Variants in GALNT13 observed in about 807,000 individuals in gnomAD.
The protein encoded by GALNT13 is polypeptide N-acetylgalactosaminyltransferase 13, also known as UDP-GalNAc:polypeptide N-acetylgalactosaminyltransferase 13.
A neutral mutation model predicts 64.2 loss-of-function variants in GALNT13; 28 were observed. The ratio of observed to expected loss-of-function variants is 0.44; its 90% CI spans 0.32 to 0.60. GALNT13 has a LOEUF of 0.60. Among genes scored for constraint, GALNT13 ranks in the 20% least tolerant of loss-of-function variants. The pLI is 0.05. For synonymous variants in GALNT13, 214 were observed against 224.6 expected, an observed-to-expected ratio of 0.95 and a Z score of 0.42; for missense variants, 577 against 669.8, an observed-to-expected ratio of 0.86 and a Z score of 1.53.
chr2:154,298,500 A>AAAT (rs1693086275), intron 8 of GALNT13, among the ~76,000 whole-genome samples: 1 of 102,320 alleles, frequency 9.8e-6, no homozygotes, highest in Non-Finnish European at 2.1e-5. Flanking sequence ...AATTATATAT[A>AAAT]CATATATAAA....
At chr2:153,663,152 A>C in the GALNT13 span, among the ~76,000 whole-genome samples, 1 of 152,234 alleles carries the variant, frequency 6.6e-6, no homozygotes, top group South Asian at 2.1e-4. Flanking sequence ...ATCCATTGAT[A>C]AATTTGTCAG....
intron 3 of GALNT13, among the ~76,000 whole-genome samples, chr2:154,036,410 G>T (rs1218562332): frequency 6.6e-6 from 1 of 152,022 alleles, no homozygotes; most frequent in African/African-American, 2.4e-5. Flanking sequence ...CAAAACAAAA[G>T]CTTCTGAGAG....
the GALNT13 span, among the ~76,000 whole-genome samples, chr2:153,142,294 A>G: frequency 2.0e-5 from 3 of 152,046 alleles, no homozygotes; most frequent in African/African-American, 7.2e-5. Context: ...CATGTTTGGG[A>G]AAGCCGCAGG....
the GALNT13 span, among the ~76,000 whole-genome samples, chr2:153,569,056 G>T: frequency 1.3e-5 from 2 of 152,212 alleles, no homozygotes; most frequent in South Asian, 2.1e-4. Flanking sequence ...ATTATAAATA[G>T]TGCTGCTATG....
intron 9 of GALNT13, among the ~76,000 whole-genome samples, chr2:154,329,285 TAG>T (rs1321704726): frequency 6.6e-6 from 1 of 152,122 alleles, no homozygotes; most frequent in Non-Finnish European, 1.5e-5. Context: ...TTTGTATTAG[TAG>T]AGACAGGGTT....
intron 3 of GALNT13, among the ~76,000 whole-genome samples, chr2:154,133,730 G>A (rs566462187): frequency 1.3e-5 from 2 of 151,488 alleles, no homozygotes; most frequent in Non-Finnish European, 2.9e-5. Flanking sequence ...CAAGTACTGG[G>A]ATGAGCCAAA....
At chr2:153,673,322 A>G in the GALNT13 span, among the ~76,000 whole-genome samples, 12 of 152,342 alleles carry the variant, frequency 7.9e-5, no homozygotes, top group East Asian at 2.1e-3. Flanking sequence ...AAATACTGGC[A>G]AAACAAATCC....
chr2:153,496,828 A>G, the GALNT13 span, among the ~76,000 whole-genome samples: 14,792 of 151,816 alleles, frequency 0.097, 751 homozygotes, highest in South Asian at 0.16. Context: ...GCTACTAAAA[A>G]TACAAAGAAA....
chr2:153,601,978 C>T, the GALNT13 span, among the ~76,000 whole-genome samples: 26,881 of 151,756 alleles, frequency 0.18, 2,682 homozygotes, highest in African/African-American at 0.27. Context: ...AATTAAAATG[C>T]TTAAATTGGC....
chr2:153,730,050 A>T, the GALNT13 span, among the ~76,000 whole-genome samples: 1 of 152,002 alleles, frequency 6.6e-6, no homozygotes, highest in Non-Finnish European at 1.5e-5. Flanking sequence ...ACACCTATCA[A>T]ATTACCAATG....
chr2:153,965,077 TAA>T lies in GALNT13; in HGVS notation c.142+20439_142+20440del, dbSNP rs1693237589. 3.3e-5 allele frequency among the ~76,000 whole-genome samples: 5 copies of T among 152,164 alleles called. No homozygotes were observed. In the South Asian group the frequency reaches 1.0e-3, roughly 32 times the overall value. Reference sequence around the variant, plus strand: ...ATGTTTCAATATTTTTAAGGATACATAACAGTTTTACATATTTATGAGGTACA... The same window carrying T: ...ATGTTTCAATATTTTTAAGGATACATCAGTTTTACATATTTATGAGGTACA... On this transcript the variant is annotated intron_variant, in intron 3 of 12. Coordinates refer to ENST00000392825, the MANE Select transcript of GALNT13 (RefSeq NM_052917.4).
the GALNT13 span, among the ~76,000 whole-genome samples, chr2:153,534,618 G>T: frequency 1.3e-5 from 2 of 150,962 alleles, no homozygotes; most frequent in African/African-American, 2.5e-5. Flanking sequence ...GGGAGATAAG[G>T]GTGGGCCGTT....
At chr2:153,644,893 C>G in the GALNT13 span, among the ~76,000 whole-genome samples, 1 of 152,092 alleles carries the variant, frequency 6.6e-6, no homozygotes, top group South Asian at 2.1e-4. Flanking sequence ...TCTTCACAAA[C>G]TAATATGTCT....
In GALNT13 at chr2:154,402,121, T is replaced by C. The variant is rs182899033; in HGVS notation, c.1296+5991T>C. On this transcript the variant is annotated intron_variant, in intron 10 of 12. Coordinates refer to ENST00000392825, the MANE Select transcript of GALNT13 (RefSeq NM_052917.4). ...TGTAAAATAATGATAAAAAATAATATGCAATTGAAGGATAAACGTATGTTG... is the reference window on the plus strand; with the variant it reads ...TGTAAAATAATGATAAAAAATAATACGCAATTGAAGGATAAACGTATGTTG... Among the ~76,000 whole-genome samples the C allele has an allele frequency of 9.3e-4, 141 of 152,216 alleles. 2 individuals carry two copies. The highest frequency in any genetic ancestry group is 3.3e-3 in the South Asian group (16 of 4,830).
At chr2:153,542,154 C>T in the GALNT13 span, among the ~76,000 whole-genome samples, 1 of 151,914 alleles carries the variant, frequency 6.6e-6, no homozygotes, top group African/African-American at 2.4e-5. Flanking sequence ...CCCATCTCTA[C>T]TAAAAATACA....
the GALNT13 span, among the ~76,000 whole-genome samples, chr2:153,640,791 G>A: frequency 6.6e-6 from 1 of 152,060 alleles, no homozygotes; most frequent in South Asian, 2.1e-4. Context: ...AAAAAAGTTT[G>A]TCAGGTGGGA....
intron 10 of GALNT13, among the ~76,000 whole-genome samples, chr2:154,403,272 G>T (rs184902668): frequency 0.1 from 15,300 of 151,930 alleles, 928 homozygotes; most frequent in Non-Finnish European, 0.14. Flanking sequence ...GGCCAGCATG[G>T]TAAAACCGCA....
chr2:153,505,261 T>C, the GALNT13 span, among the ~76,000 whole-genome samples: 1 of 152,198 alleles, frequency 6.6e-6, no homozygotes, highest in African/African-American at 2.4e-5. Context: ...GGATCTTCTC[T>C]CTTCTTTTCT....
At chr2:154,149,522 T>C (rs1278793574) in intron 4 of GALNT13, among the ~76,000 whole-genome samples, 1 of 152,190 alleles carries the variant, frequency 6.6e-6, no homozygotes, top group Non-Finnish European at 1.5e-5. Flanking sequence ...TTGGGCAGTA[T>C]GGCCATTTTC....
Sources: gnomAD v4.1 joint callset for allele counts (sites outside exome capture counted in the v4.1 genomes callset) on GRCh38, gnomAD v4.1.1 for gene constraint, MANE v1.5 for transcripts, NCBI Gene and HGNC (gene_info 2026-07-23, HGNC 2026-07-21) for gene names.